CEP162: variants seen among roughly 807,000 people sequenced by gnomAD.
The protein encoded by CEP162 is centrosomal protein of 162 kDa.
A neutral mutation model predicts 169.2 loss-of-function variants in CEP162; 141 were observed. The ratio of observed to expected loss-of-function variants is 0.83; its 90% CI spans 0.73 to 0.96. CEP162 has a LOEUF of 0.96. Ranked by LOEUF, CEP162 falls within the 40% of genes least tolerant of loss-of-function variation. CEP162 has a pLI of 0.00. For missense variants in CEP162, 1,600 were observed against 1,587.2 expected, an observed-to-expected ratio of 1.01 and a Z score of -0.14; for synonymous variants, 540 against 526.4, an observed-to-expected ratio of 1.03 and a Z score of -0.35.
chr6:84,161,994 C>T, intron 19 of CEP162, 85 bp from the exon 20 acceptor site: 1 of 818,826 alleles, frequency 1.2e-6, no homozygotes, highest in Non-Finnish European at 1.9e-6. Flanking sequence ...AAATGAAAAC[C>T]AATGCCCATC....
At chr6:84,132,746 ACT>A (rs1166225490) in intron 25 of CEP162, among the ~76,000 whole-genome samples, 1 of 151,608 alleles carries the variant, frequency 6.6e-6, no homozygotes, top group Non-Finnish European at 1.5e-5. Context: ...CCATTCGTCT[ACT>A]CTTTTTTCAA....
chr6:84,173,681 T>C (rs542287993), intron 16 of CEP162, among the ~76,000 whole-genome samples: 105 of 143,646 alleles, frequency 7.3e-4, no homozygotes, highest in Non-Finnish European at 1.3e-3. Flanking sequence ...AGTATTTTAA[T>C]ATACCTTTTT....
intron 25 of CEP162, among the ~76,000 whole-genome samples, chr6:84,133,178 T>TGTTGC (rs2099512345): frequency 6.6e-6 from 1 of 152,136 alleles, no homozygotes; most frequent in African/African-American, 2.4e-5. Context: ...GAACAGCAAA[T>TGTTGC]ATTGCAGAAC....
At chr6:84,188,291 G>A (rs559853803) in intron 11 of CEP162, among the ~76,000 whole-genome samples, 5 of 152,026 alleles carry the variant, frequency 3.3e-5, no homozygotes, top group East Asian at 1.9e-4. Flanking sequence ...TCAGGGATAC[G>A]GGTATTGTTC....
intron 5 of CEP162, among the ~76,000 whole-genome samples, chr6:84,214,604 G>A (rs914939539): frequency 2.6e-5 from 4 of 152,154 alleles, no homozygotes; most frequent in Non-Finnish European, 5.9e-5. Flanking sequence ...CCATCCTGCA[G>A]AGCCTAGGCA....
intron 3 of CEP162, 31 bp downstream of exon 3, chr6:84,221,026 T>C (rs367786984): frequency 3.3e-6 from 4 of 1,217,204 alleles, no homozygotes; most frequent in Non-Finnish European, 3.6e-6. Context: ...TGTGGTCAAA[T>C]AATTTGAAAC....
At chr6:84,172,978 C>T (rs890782195) in intron 16 of CEP162, among the ~76,000 whole-genome samples, 1 of 152,182 alleles carries the variant, frequency 6.6e-6, no homozygotes, top group African/African-American at 2.4e-5. Flanking sequence ...GATGTCATTA[C>T]ACATTGCAAA....
At chr6:84,145,908 C>T (rs978700900) in intron 25 of CEP162, among the ~76,000 whole-genome samples, 3 of 152,090 alleles carry the variant, frequency 2.0e-5, no homozygotes, top group African/African-American at 7.2e-5. Flanking sequence ...CTACTCCTAC[C>T]ATTAACTTTT....
chr6:84,148,970 C>T (rs1268664827), intron 24 of CEP162, among the ~76,000 whole-genome samples: 2 of 152,044 alleles, frequency 1.3e-5, no homozygotes, highest in Non-Finnish European at 2.9e-5. Context: ...AGTAGATATA[C>T]CTATTTTTCA....
In CEP162 at chr6:84,161,711, T is replaced by G. The variant is rs199712034; in HGVS notation, c.2676+35A>C. Reference sequence around the variant, plus strand: ...CAGATATTACGGACAAAAGGATTCATCTAGAGAAGAAATACATTCTGAAAT... The same window carrying G: ...CAGATATTACGGACAAAAGGATTCAGCTAGAGAAGAAATACATTCTGAAAT... On this transcript the variant is annotated intron_variant, in intron 20 of 26. Coordinates refer to ENST00000403245, the MANE Select transcript of CEP162 (RefSeq NM_014895.4). The G allele has an allele frequency of 8.7e-4, 1,248 of 1,440,480 alleles. 12 individuals carry two copies. The African/African-American group carries it at 0.016, about 18-fold the overall frequency. The allele number at this position is 1,440,480 out of a possible 1,614,324, so 89.2% of individuals were successfully genotyped here. A position where few individuals can be genotyped will look rare whatever the true frequency, so the allele number is the denominator to read the frequency against.
At chr6:84,159,533 A>ATATATATATATC in intron 21 of CEP162, among the ~76,000 whole-genome samples, 1 of 34,240 alleles carries the variant, frequency 2.9e-5, no homozygotes, top group Admixed American at 3.8e-4. Flanking sequence ...TTATATATAT[A>ATATATATATATC]TATATATATA....
intron 25 of CEP162, among the ~76,000 whole-genome samples, chr6:84,134,035 G>T (rs1471736204): frequency 6.6e-6 from 1 of 152,134 alleles, no homozygotes; most frequent in Non-Finnish European, 1.5e-5. Context: ...TGGGGCTGCT[G>T]CCTTTAAGAG....
rs553544580 is a variant in CEP162 at position 84,196,550 on chromosome 6, G to T, written c.836-1475C>A. Among the ~76,000 whole-genome samples, 37 of 152,024 alleles carry T rather than the reference G, an allele frequency of 2.4e-4. 1 individual carries two copies. In the South Asian group the frequency reaches 7.5e-3, roughly 31 times the overall value. On this transcript the variant is annotated intron_variant, in intron 9 of 26. Coordinates refer to ENST00000403245, the MANE Select transcript of CEP162 (RefSeq NM_014895.4). ...TTTTGAGTACTTTCTTGCTTATTTT[G>T]TAATTTTCATTACTAACAAGTGGAA...
In CEP162 at chr6:84,174,876, A is replaced by G. The variant is rs369041974; in HGVS notation, c.1876T>C (p.Trp626Arg). ...TCAATTAGGGCTTGCGCACCCCTCC[A>G]TTTATCCTCTGCTTCCTGAACTCTT... ...FKRVQEAEDK[W>R]RGAQALIEQI... The change falls in exon 15 of 27, where the codon TGG (tryptophan) becomes CGG (arginine). Residue 626 changes from tryptophan to arginine, a missense_variant. By Grantham distance (101) the Trp-to-Arg change is moderately radical (BLOSUM62 -3). Coordinates refer to ENST00000403245, the MANE Select transcript of CEP162 (RefSeq NM_014895.4). 8.1e-6 allele frequency: 13 copies of G among 1,611,814 alleles called. No individual in the cohort carries two copies. The highest frequency in any genetic ancestry group is 2.2e-5 in the East Asian group (1 of 44,792).
chr6:84,181,864 T>C (rs2099534982), intron 13 of CEP162, among the ~76,000 whole-genome samples: 1 of 152,110 alleles, frequency 6.6e-6, no homozygotes, highest in Non-Finnish European at 1.5e-5. Context: ...ATGCTTTATA[T>C]TTCACGGAAG....
chr6:84,138,362 A>T (rs560307633), intron 25 of CEP162, among the ~76,000 whole-genome samples: 1 of 152,342 alleles, frequency 6.6e-6, no homozygotes, highest in Non-Finnish European at 1.5e-5. Context: ...GCAGTTTTGA[A>T]GCCAGTGGAA....
At chr6:84,181,551 GA>G (rs2099534839) in intron 13 of CEP162, among the ~76,000 whole-genome samples, 1 of 152,002 alleles carries the variant, frequency 6.6e-6, no homozygotes, top group Admixed American at 6.6e-5. Flanking sequence ...TTTTACACAT[GA>G]AAAAAATTTG....
intron 25 of CEP162, among the ~76,000 whole-genome samples, chr6:84,135,724 G>A (rs1340216068): frequency 1.3e-5 from 2 of 152,084 alleles, no homozygotes. Flanking sequence ...TTAGCCGGGT[G>A]TGATGGCACA....
At position 84,174,829 on chromosome 6, in the gene CEP162, T is replaced by TTTA. The variant is rs780348507; in HGVS notation, c.1922_1923insTAA (p.Ser641_Glu642insLys). On this transcript the variant is annotated inframe_insertion, in exon 15 of 27. Coordinates refer to ENST00000403245, the MANE Select transcript of CEP162 (RefSeq NM_014895.4). ...TATTTTCTAGTTCTTTCTCCTTTTC[T>TTTA]GAGAATGTGGCTTTAATTTGCTCAA... 20 of 1,603,822 alleles carry TTTA rather than the reference T, an allele frequency of 1.2e-5. No individual in the cohort carries two copies. Among genetic ancestry groups the TTTA allele is most frequent in the Admixed American group, 6.8e-5 (4 of 59,034 alleles).
Sources: gnomAD v4.1 joint callset for allele counts (sites outside exome capture counted in the v4.1 genomes callset) on GRCh38, gnomAD v4.1.1 for gene constraint, MANE v1.5 for transcripts, NCBI Gene and HGNC (gene_info 2026-07-23, HGNC 2026-07-21) for gene names.